UNC13C: variants seen among roughly 807,000 people sequenced by gnomAD.
UNC13C encodes the protein protein unc-13 homolog C.
In UNC13C, 174 loss-of-function variants were observed where a neutral mutation model predicts 245.4. The ratio of observed to expected loss-of-function variants is 0.71; its 90% CI spans 0.63 to 0.80. UNC13C has a LOEUF of 0.80. Ranked by LOEUF, UNC13C falls within the 30% of genes least tolerant of loss-of-function variation. The probability of loss-of-function intolerance (pLI) is 0.00; values close to 1 mark genes in which losing one functional copy is unlikely to be tolerated. For missense variants in UNC13C, 2,829 were observed against 2,602.9 expected, an observed-to-expected ratio of 1.09 and a Z score of -1.89; for synonymous variants, 992 against 895.1, an observed-to-expected ratio of 1.11 and a Z score of -1.93.
intron 17 of UNC13C, among the ~76,000 whole-genome samples, chr15:54,367,224 C>T (rs1376800909): frequency 6.6e-6 from 1 of 152,124 alleles, no homozygotes; most frequent in African/African-American, 2.4e-5. Flanking sequence ...CCAAATAGTT[C>T]TTCCCATGTA....
At chr15:54,568,230 A>G (rs1005379893) in intron 30 of UNC13C, among the ~76,000 whole-genome samples, 1 of 152,078 alleles carries the variant, frequency 6.6e-6, no homozygotes, top group Non-Finnish European at 1.5e-5. Flanking sequence ...TTTAAGTAAA[A>G]TCTACTTTTT....
intron 10 of UNC13C, among the ~76,000 whole-genome samples, chr15:54,267,596 A>G (rs2036578955): frequency 6.6e-6 from 1 of 150,536 alleles, no homozygotes. Context: ...TGTCATTTTA[A>G]TTTTTTTTTG....
chr15:53,838,065 TG>T, the UNC13C span, among the ~76,000 whole-genome samples: 5 of 152,174 alleles, frequency 3.3e-5, no homozygotes, highest in Non-Finnish European at 7.4e-5. Flanking sequence ...ATATAATTTT[TG>T]CTAAAAAAGT....
rs1457761872 is a variant in UNC13C, at chr15:54,073,555, C to T, written c.2983+57669C>T. Reference sequence around the variant, plus strand: ...CTCTCCAGCATCTGTTGTTTCCTGACTTTTGAATAATCGCCATTCTAACTG... The same window carrying T: ...CTCTCCAGCATCTGTTGTTTCCTGATTTTTGAATAATCGCCATTCTAACTG... On this transcript the variant is annotated intron_variant, in intron 2 of 32. Transcript: ENST00000260323. 2.0e-5 allele frequency among the ~76,000 whole-genome samples: 3 copies of T among 152,310 alleles called. No individual in the cohort carries two copies. In the East Asian group the frequency reaches 5.8e-4, roughly 29 times the overall value.
chr15:54,587,336 G>A (rs1486177502), intron 30 of UNC13C, among the ~76,000 whole-genome samples: 1 of 152,184 alleles, frequency 6.6e-6, no homozygotes, highest in Non-Finnish European at 1.5e-5. Flanking sequence ...ACATTTATAT[G>A]ACTGAAGCTT....
At chr15:54,247,905 G>A (rs912788411) in intron 7 of UNC13C, among the ~76,000 whole-genome samples, 5 of 152,116 alleles carry the variant, frequency 3.3e-5, no homozygotes, top group African/African-American at 1.2e-4. Context: ...TTTTCCTGCA[G>A]TATGCTTAAT....
intron 4 of UNC13C, among the ~76,000 whole-genome samples, chr15:54,167,548 G>T (rs113159192): frequency 8.6e-6 from 1 of 116,614 alleles, no homozygotes; most frequent in Non-Finnish European, 1.7e-5. Context: ...AGATACTCTT[G>T]AACAGATGGT....
At chr15:54,479,131 C>G (rs1189455688) in intron 19 of UNC13C, among the ~76,000 whole-genome samples, 2 of 151,904 alleles carry the variant, frequency 1.3e-5, no homozygotes, top group African/African-American at 2.4e-5. Context: ...TATATGCTGT[C>G]CAGTGCTTCA....
chr15:53,858,003 C>A, the UNC13C span, among the ~76,000 whole-genome samples: 1 of 152,246 alleles, frequency 6.6e-6, no homozygotes, highest in East Asian at 1.9e-4. Context: ...ATGCTGCTTT[C>A]TTAATTTGGA....
At chr15:54,403,744 T>TAAAAAA in intron 18 of UNC13C, among the ~76,000 whole-genome samples, 1 of 145,018 alleles carries the variant, frequency 6.9e-6, no homozygotes, top group Non-Finnish European at 1.5e-5. Context: ...AAAAAAGGCT[T>TAAAAAA]ACATAGATCC....
the UNC13C span, among the ~76,000 whole-genome samples, chr15:53,838,002 A>C: frequency 6.6e-6 from 1 of 152,144 alleles, no homozygotes; most frequent in African/African-American, 2.4e-5. Flanking sequence ...TTGTTGAATA[A>C]TACTCCCTTG....
intron 4 of UNC13C, among the ~76,000 whole-genome samples, chr15:54,189,681 G>A (rs919823754): frequency 6.6e-6 from 1 of 152,170 alleles, no homozygotes; most frequent in Admixed American, 6.5e-5. Context: ...AAGATAATTT[G>A]GTTAAAAATG....
the UNC13C span, among the ~76,000 whole-genome samples, chr15:53,903,456 A>G: frequency 6.6e-6 from 1 of 152,252 alleles, no homozygotes; most frequent in East Asian, 1.9e-4. Flanking sequence ...CAACCAGAGC[A>G]ACACAAATCC....
At chr15:54,031,897 A>T (rs1446863317) in intron 2 of UNC13C, among the ~76,000 whole-genome samples, 1 of 152,236 alleles carries the variant, frequency 6.6e-6, no homozygotes, top group African/African-American at 2.4e-5. Context: ...CATATCATTC[A>T]TGAACTTTAT....
chr15:54,484,122 A>G (rs1893280161), intron 19 of UNC13C, among the ~76,000 whole-genome samples: 1 of 123,372 alleles, frequency 8.1e-6, no homozygotes. Context: ...ATGATTAGCT[A>G]CACAGTTTTC....
intron 2 of UNC13C, among the ~76,000 whole-genome samples, chr15:54,084,850 C>G (rs1899148266): frequency 6.6e-6 from 1 of 152,100 alleles, no homozygotes. Context: ...ATCAGGGCCC[C>G]TCAGCCTCAA....
At chr15:53,842,298 A>G in the UNC13C span, among the ~76,000 whole-genome samples, 1 of 152,276 alleles carries the variant, frequency 6.6e-6, no homozygotes, top group East Asian at 1.9e-4. Context: ...ATGTTGTTGA[A>G]AAGATAAAAG....
intron 4 of UNC13C, 93 bp downstream of exon 4, chr15:54,143,777 T>C (rs2032134050): frequency 2.3e-6 from 2 of 878,916 alleles, no homozygotes; most frequent in Non-Finnish European, 3.6e-6. Flanking sequence ...AGATGCTGCA[T>C]GATTAGCTAG....
At position 54,014,079 on chromosome 15, in the gene UNC13C, A is replaced by T; in HGVS notation, c.1176A>T (p.Lys392Asn). The change falls in exon 2 of 33, where the codon AAA (lysine) becomes AAT (asparagine). Residue 392 changes from lysine to asparagine, a missense_variant. Transcript: ENST00000260323. ...ETPQQRDSVL[K>N]KSYKLKGTGI... ...CTCAACAAAGGGATTCTGTCTTAAA[A>T]AAGTCATATAAACTCAAAGGAACAG... 6.2e-7 allele frequency: 1 copy of T among 1,613,684 alleles called. No homozygotes were observed. The highest frequency in any genetic ancestry group is 1.3e-5 in the African/African-American group (1 of 74,906).
Sources: allele counts gnomAD v4.1 joint callset (sites outside exome capture counted in the v4.1 genomes callset), GRCh38; gene constraint gnomAD v4.1.1; transcripts MANE v1.5; gene names NCBI Gene and HGNC (gene_info 2026-07-23, HGNC 2026-07-21).